Variants in BRCA1 observed in about 807,000 individuals in gnomAD.
BRCA1 encodes BRCA1 DNA repair associated.
Under a neutral mutation model 173.7 loss-of-function variants are expected in BRCA1, and 140 were observed. The observed-to-expected ratio is 0.81, with a 90% CI of 0.70 to 0.93. BRCA1 has a LOEUF of 0.93. Among genes scored for constraint, BRCA1 ranks in the 40% least tolerant of loss-of-function variants. The probability of loss-of-function intolerance (pLI) is 0.00; values close to 1 mark genes in which losing one functional copy is unlikely to be tolerated. For missense variants in BRCA1, 1,983 were observed against 2,172.5 expected (o/e 0.91, Z 1.73); for synonymous variants, 662 against 756.0 (o/e 0.88, Z 2.04).
chr17:43,104,868 A>G lies in BRCA1; in HGVS notation c.301T>C (p.Tyr101His), dbSNP rs1555596637. 6.2e-7 allele frequency: 1 copy of G among 1,612,916 alleles called. No homozygotes were observed. The highest frequency in any genetic ancestry group is 8.5e-7 in the Non-Finnish European group (1 of 1,179,056). The change falls in exon 5 of 23, where the codon TAT becomes CAT. Residue 101 changes from tyrosine to histidine, a missense_variant and splice_region_variant. Physicochemically the swap from Tyr to His is moderately conservative, Grantham distance 83 (BLOSUM62 2). Coordinates refer to ENST00000357654, the MANE Select transcript of BRCA1 (RefSeq NM_007294.4). ...CAFQLDTGLE[Y>H]ANSYNFAKKE... ...CATTCTTGGGATATTCAACACTTAC[A>G]CTCCAAACCTGTGTCAAGCTGAAAA...
upstream of BRCA1, among the ~76,000 whole-genome samples, chr17:43,127,048 G>C (rs1379160553): frequency 6.6e-6 from 1 of 152,194 alleles, no homozygotes; most frequent in East Asian, 1.9e-4. Flanking sequence ...GGCCCCAGCC[G>C]CCCTGCACAG....
At position 43,125,302 on chromosome 17, in the gene BRCA1, G is replaced by C. The variant is rs1567824428; in HGVS notation, c.-51C>G. 2.2e-6 allele frequency: 1 copy of C among 456,200 alleles called. No homozygotes were observed. Among genetic ancestry groups the C allele is most frequent in the Non-Finnish European group, 4.4e-6 (1 of 226,930 alleles). 28.3% of individuals were successfully genotyped at this position (456,200 alleles called of 1,614,324 possible). On this transcript the variant is annotated 5_prime_UTR_variant, in exon 1 of 23. Coordinates refer to ENST00000357654, the MANE Select transcript of BRCA1 (RefSeq NM_007294.4). ...CCAGAGCAGAGGGTGAAGGCCTCCTGAGCGCAGGGGCCCAGTTATCTGAGA... is the reference window on the plus strand; with the variant it reads ...CCAGAGCAGAGGGTGAAGGCCTCCTCAGCGCAGGGGCCCAGTTATCTGAGA...
chr17:43,060,697 G>A (rs1272799137), intron 18 of BRCA1, among the ~76,000 whole-genome samples: 2 of 151,338 alleles, frequency 1.3e-5, no homozygotes, highest in African/African-American at 4.9e-5. Context: ...AGTAGAGATG[G>A]GGTTTCACCA....
At chr17:43,073,767 T>TA (rs1457260543) in intron 14 of BRCA1, among the ~76,000 whole-genome samples, 16 of 150,796 alleles carry the variant, frequency 1.1e-4, no homozygotes, top group African/African-American at 3.9e-4. Flanking sequence ...TATATATATA[T>TA]TTTTTGAGAT....
At chr17:43,096,535 A>G (rs912867787) in intron 8 of BRCA1, among the ~76,000 whole-genome samples, 10 of 149,620 alleles carry the variant, frequency 6.7e-5, no homozygotes, top group African/African-American at 2.2e-4. Flanking sequence ...TGGCGCCACT[A>G]CACTCCATCC....
In BRCA1 at chr17:43,046,253, G is replaced by A. The variant is rs147297981; in HGVS notation, c.5468-451C>T. On this transcript the variant is annotated intron_variant, in intron 22 of 22. Coordinates refer to ENST00000357654, the MANE Select transcript of BRCA1 (RefSeq NM_007294.4). ...TTTTTTTTTTTTTTTTTTTTGAGACGGAGTCTTGCTCTTGTTGCTCAGCCT... is the reference window on the plus strand; with the variant it reads ...TTTTTTTTTTTTTTTTTTTTGAGACAGAGTCTTGCTCTTGTTGCTCAGCCT... Among the ~76,000 whole-genome samples the A allele has an allele frequency of 0.013, 1,620 of 127,754 alleles. 24 individuals carry two copies. Among genetic ancestry groups the A allele is most frequent in the South Asian group, 0.028 (111 of 4,002 alleles). The allele number at this position is 127,754 out of a possible 152,430, so 83.8% of individuals were successfully genotyped here. A position where few individuals can be genotyped will look rare whatever the true frequency, so the allele number is the denominator to read the frequency against.
intron 8 of BRCA1, among the ~76,000 whole-genome samples, chr17:43,096,328 G>A (rs1400766492): frequency 7.2e-6 from 1 of 138,052 alleles, no homozygotes; most frequent in Non-Finnish European, 1.5e-5. Flanking sequence ...GGAGAGGTGA[G>A]ATCACACCTC....
Position 43,044,465 on chromosome 17 carries a change from T to C in BRCA1, c.*1213A>G, listed in dbSNP as rs2050786754. On this transcript the variant is annotated 3_prime_UTR_variant, in exon 23 of 23. Coordinates refer to ENST00000357654, the MANE Select transcript of BRCA1 (RefSeq NM_007294.4). ...GATAATGGGTTTATGAAAAACACTT[T>C]TTCTTCCTTCAGCAAGCAAAATTAT... The C allele has an allele frequency of 2.0e-6, 1 of 509,736 alleles. No homozygotes were observed. Among genetic ancestry groups the C allele is most frequent in the Non-Finnish European group, 3.8e-6 (1 of 260,488 alleles). The allele number at this position is 509,736 out of a possible 1,614,324, so 31.6% of individuals were successfully genotyped here.
intron 1 of BRCA1, chr17:43,131,335 T>C (rs1050851914): frequency 8.5e-6 from 4 of 473,308 alleles, no homozygotes; most frequent in South Asian, 1.7e-5. Flanking sequence ...TCCAGTGATA[T>C]GGGCTTTAAT....
At chr17:43,080,220 G>A (rs2052941111) in intron 12 of BRCA1, among the ~76,000 whole-genome samples, 1 of 152,194 alleles carries the variant, frequency 6.6e-6, no homozygotes, top group Admixed American at 6.6e-5. Flanking sequence ...ACTGCCCACT[G>A]TGTGCTAAGC....
At chr17:43,045,993 G>A (rs552589615) in intron 22 of BRCA1, among the ~76,000 whole-genome samples, 191 bp from the exon 23 acceptor site, 25 of 151,230 alleles carry the variant, frequency 1.7e-4, no homozygotes, top group Admixed American at 1.4e-3. Flanking sequence ...CGCAATCTCG[G>A]CTCATTCAAC....
chr17:43,144,541 G>T (rs1053628365), intron 1 of BRCA1, among the ~76,000 whole-genome samples: 1 of 152,172 alleles, frequency 6.6e-6, no homozygotes, highest in Non-Finnish European at 1.5e-5. Flanking sequence ...GGGAAACAAG[G>T]CAGGGAAAGA....
chr17:43,128,757 C>T (rs2055938815), upstream of BRCA1, among the ~76,000 whole-genome samples: 1 of 151,712 alleles, frequency 6.6e-6, no homozygotes, highest in Admixed American at 6.6e-5. Flanking sequence ...GGTTAGGGAC[C>T]TTTGGTTTTG....
chr17:43,156,797 A>G (rs1345603327), intron 1 of BRCA1, among the ~76,000 whole-genome samples: 1 of 152,248 alleles, frequency 6.6e-6, no homozygotes, highest in Non-Finnish European at 1.5e-5. Context: ...ATATAAACAC[A>G]CTGTAAACAT....
chr17:43,117,016 T>C (rs546227617), intron 2 of BRCA1, among the ~76,000 whole-genome samples: 1 of 152,364 alleles, frequency 6.6e-6, no homozygotes, highest in South Asian at 2.1e-4. Context: ...CAGGTTCAAC[T>C]TTCTGGCAAG....
Position 43,091,990 on chromosome 17 carries a change from C to A in BRCA1, c.3541G>T (p.Val1181Phe), listed in dbSNP as rs56336919. The change falls in exon 10 of 23, where the codon GTC becomes TTC. Residue 1181 changes from valine to phenylalanine, a missense_variant. Coordinates refer to ENST00000357654, the MANE Select transcript of BRCA1 (RefSeq NM_007294.4). ...CTCCTGCTAAGCTCTCCTTTCTGGA[C>A]GCTTTTGCTAAAAACAGCAGAACTT... The part of the protein sequence containing the change: ...KESSAVFSKS[V>F]QKGELSRSPS... 1.2e-6 allele frequency: 2 copies of A among 1,614,060 alleles called. No homozygotes were observed. Among genetic ancestry groups the A allele is most frequent in the African/African-American group, 1.3e-5 (1 of 75,028 alleles).
chr17:43,063,498 TA>T (rs2051884972), intron 17 of BRCA1, 125 bp from the exon 18 acceptor site: 4 of 790,658 alleles, frequency 5.1e-6, no homozygotes, highest in Middle Eastern at 2.2e-4. Flanking sequence ...TCCTTCCCTC[TA>T]AAGCCACAGC....
At chr17:43,135,973 GT>G (rs1244776682) in intron 1 of BRCA1, among the ~76,000 whole-genome samples, 3 of 152,218 alleles carry the variant, frequency 2.0e-5, no homozygotes, top group African/African-American at 7.2e-5. Flanking sequence ...GCTCTCTGCA[GT>G]ACCGCAGAGT....
rs886040227 is a variant in BRCA1 at position 43,076,608 on chromosome 17, A to C, written c.4364T>G (p.Leu1455Ter). 1 of 1,613,462 alleles carries C rather than the reference A, an allele frequency of 6.2e-7. No individual in the cohort carries two copies. ...PEQSTSEKAV[L>*]TSQKSSEYPI... ...GTATTCACTACTTTTCTGTGAAGTT[A>C]ATACTGCTTTAAATGGAATGAGAAA... Residue 1455 changes from leucine to a stop codon, truncating the protein, a stop_gained, in exon 13 of 23, where the codon TTA (leucine) becomes TGA (stop). Transcript: ENST00000357654. LOFTEE classifies it high-confidence loss of function.
Sources: gnomAD v4.1 joint callset for allele counts (sites outside exome capture counted in the v4.1 genomes callset) on GRCh38, gnomAD v4.1.1 for gene constraint, MANE v1.5 for transcripts, NCBI Gene and HGNC (gene_info 2026-07-23, HGNC 2026-07-21) for gene names.